The following SELENBP1 variants were observed in gnomAD, a reference collection of about 807,000 sequenced individuals.
SELENBP1 encodes methanethiol oxidase.
A neutral mutation model predicts 61.0 loss-of-function variants in SELENBP1; 71 were observed. The ratio of observed to expected loss-of-function variants is 1.16; its 90% CI spans 0.96 to 1.42. The LOEUF (loss-of-function observed/expected upper bound fraction) is 1.42, where lower values mean the gene tolerates loss of function less well. Among genes scored for constraint, SELENBP1 ranks in the 40% most tolerant of loss-of-function variants. The pLI, the probability that SELENBP1 is intolerant of heterozygous loss-of-function variation, is 0.00. For synonymous variants in SELENBP1, 270 were observed against 238.9 expected (o/e 1.13, Z -1.20); for missense variants, 561 against 605.0 (o/e 0.93, Z 0.76).
In SELENBP1 at chr1:151,364,419, C is replaced by T; in HGVS notation, c.*124G>A. The T allele has an allele frequency of 8.7e-7, 1 of 1,149,486 alleles. No homozygotes were observed. Among genetic ancestry groups the T allele is most frequent in the Non-Finnish European group, 1.3e-6 (1 of 780,388 alleles). The allele number at this position is 1,149,486 out of a possible 1,614,324, so 71.2% of individuals were successfully genotyped here. On this transcript the variant is annotated 3_prime_UTR_variant, in exon 12 of 12. Transcript: ENST00000368868. ...ATGTATATGACTCAACACATTGCCA[C>T]AGTCTCAGCTTGGCTGTGTGGTACA...
At position 151,365,813 on chromosome 1, in the gene SELENBP1, C is replaced by A; in HGVS notation, c.877G>T (p.Val293Leu). 1.2e-6 allele frequency: 2 copies of A among 1,614,158 alleles called. No homozygotes were observed. ...CAGCCCTTCACTTTCTTGGGGGGCA[C>A]CTGGATCACCTTCTCCACTGACCAT... is the stretch of plus-strand genomic sequence containing the variant. ...GTWSVEKVIQ[V>L]PPKKVKGWLL... Residue 293 changes from valine (V) to leucine (L), a missense_variant, in exon 8 of 12, where the codon GTG (valine) becomes TTG (leucine). Transcript: ENST00000368868.
intron 1 of SELENBP1, chr1:151,369,975 T>A (rs1282842746): frequency 6.8e-7 from 1 of 1,475,812 alleles, no homozygotes; most frequent in African/African-American, 1.4e-5. Context: ...TGGAGACACA[T>A]GACCTGAAGG....
At chr1:151,367,892 C>T (rs1651935656) in intron 5 of SELENBP1, among the ~76,000 whole-genome samples, 1 of 152,160 alleles carries the variant, frequency 6.6e-6, no homozygotes, top group African/African-American at 2.4e-5. Flanking sequence ...GTTTGGAACT[C>T]CTGAGCTCAA....
rs1212589914 is a variant in SELENBP1, at chr1:151,368,214, T to C, written c.466A>G (p.Lys156Glu). The change falls in exon 5 of 12, where the codon AAG (lysine) becomes GAG (glutamate). Residue 156 changes from lysine to glutamate, a missense_variant. Coordinates refer to ENST00000368868, the MANE Select transcript of SELENBP1 (RefSeq NM_003944.4). ...EVMISSLGDV[K>E]GNGKGGFVLL... ...TGGCAGGTACCTTTGCCATTGCCCTTGACGTCTCCCAGGGAGCTGATCATC... is the reference window on the plus strand; with the variant it reads ...TGGCAGGTACCTTTGCCATTGCCCTCGACGTCTCCCAGGGAGCTGATCATC... 1.9e-6 allele frequency: 3 copies of C among 1,614,024 alleles called. No homozygotes were observed. The highest frequency in any genetic ancestry group is 1.7e-6 in the Non-Finnish European group (2 of 1,180,014).
At chr1:151,366,252 G>T in intron 7 of SELENBP1, 23 bp downstream of exon 7, 1 of 1,603,082 alleles carries the variant, frequency 6.2e-7, no homozygotes, top group Non-Finnish European at 8.5e-7. Flanking sequence ...ACTGGGAGGG[G>T]AGGGCCAGAG....
chr1:151,369,375 G>C, intron 3 of SELENBP1, 67 bp downstream of exon 3: 1 of 1,492,744 alleles, frequency 6.7e-7, no homozygotes, highest in South Asian at 1.2e-5. Flanking sequence ...CTGGGAAGGG[G>C]GGGCCCAGGG....
intron 7 of SELENBP1, 70 bp from the exon 8 acceptor site, chr1:151,365,916 T>C: frequency 6.4e-7 from 1 of 1,556,334 alleles, no homozygotes; most frequent in Non-Finnish European, 8.8e-7. Flanking sequence ...GGACTAGGGG[T>C]TAGATCTGGG....
chr1:151,365,073 G>A (rs759476648), intron 10 of SELENBP1, 29 bp from the exon 11 acceptor site: 1 of 1,596,324 alleles, frequency 6.3e-7, no homozygotes, highest in African/African-American at 1.3e-5. Context: ...CAGAGCCCAG[G>A]GTAACACACA....
rs775662229 is a variant in SELENBP1 at position 151,372,630 on chromosome 1, C to T, written c.4+8G>A. The T allele has an allele frequency of 1.2e-6, 2 of 1,614,202 alleles. No individual in the cohort carries two copies. The highest frequency in any genetic ancestry group is 1.7e-6 in the Non-Finnish European group (2 of 1,180,030). On this transcript the variant is annotated splice_region_variant and intron_variant, in intron 1 of 11. Transcript: ENST00000368868. Reference sequence around the variant, plus strand: ...AGGCAATGGGTGATTGGAAACCCCTCTCCTTACCCATGCTGCCGACTGGTA... The same window carrying T: ...AGGCAATGGGTGATTGGAAACCCCTTTCCTTACCCATGCTGCCGACTGGTA...
intron 2 of SELENBP1, 55 bp from the exon 3 acceptor site, chr1:151,369,609 G>A: frequency 6.4e-7 from 1 of 1,556,918 alleles, no homozygotes; most frequent in Non-Finnish European, 8.7e-7. Flanking sequence ...AAAGGTAGGG[G>A]AAGTGCTGGG....
At chr1:151,365,977 G>T in intron 7 of SELENBP1, 131 bp from the exon 8 acceptor site, 1 of 978,790 alleles carries the variant, frequency 1.0e-6, no homozygotes, top group Non-Finnish European at 1.5e-6. Context: ...CTTGCCAGCA[G>T]GATCTAACTC....
In SELENBP1 at chr1:151,372,638, C is replaced by T; in HGVS notation, c.4G>A (p.Ala2Thr). ...GGTGATTGGAAACCCCTCTCCTTAC[C>T]CATGCTGCCGACTGGTACACTTTGA... M[A>T]TKCGNCGPGY... Residue 2 changes from alanine to threonine, a missense_variant and splice_region_variant, in exon 1 of 12, where the codon GCT (alanine) becomes ACT (threonine). Coordinates refer to ENST00000368868, the MANE Select transcript of SELENBP1 (RefSeq NM_003944.4). The T allele has an allele frequency of 6.2e-7, 1 of 1,614,194 alleles. No homozygotes were observed. Among genetic ancestry groups the T allele is most frequent in the South Asian group, 1.1e-5 (1 of 91,078 alleles).
Position 151,366,726 on chromosome 1 carries a change from C to G in SELENBP1, c.660G>C (p.Glu220Asp), listed in dbSNP as rs1374172524. The G allele has an allele frequency of 1.2e-6, 2 of 1,613,504 alleles. No individual in the cohort carries two copies. Among genetic ancestry groups the G allele is most frequent in the Admixed American group, 1.7e-5 (1 of 59,986 alleles). Residue 220 changes from glutamate to aspartate, a missense_variant, in exon 6 of 12, where the codon GAG becomes GAC. By Grantham distance (45) the Glu-to-Asp change is conservative. Coordinates refer to ENST00000368868, the MANE Select transcript of SELENBP1 (RefSeq NM_003944.4). ...GGCACATGGGGGGATTCTCACCAGC[C>G]TCCACATCAGCGGGGTTGAAGCCAT... Reference protein sequence around the residue: ...LRDGFNPADVEAGLYGSHLYV... With the variant: ...LRDGFNPADVDAGLYGSHLYV...
chr1:151,369,711 A>G lies in SELENBP1; in HGVS notation c.61+2T>C. 5 of 1,551,828 alleles carry G rather than the reference A, an allele frequency of 3.2e-6. No individual in the cohort carries two copies. Among genetic ancestry groups the G allele is most frequent in the Non-Finnish European group, 4.4e-6 (5 of 1,147,088 alleles). ...GCTGGCTCTCAGACCATGGGCAATT[A>G]CCTTTCATGGCCTCCAGAGGGGTGG... On this transcript the variant is annotated splice_donor_variant, in intron 2 of 11. Coordinates refer to ENST00000368868, the MANE Select transcript of SELENBP1 (RefSeq NM_003944.4). LOFTEE classifies it high-confidence loss of function.
chr1:151,368,914 T>TCTGCCAGCAGGAG, intron 4 of SELENBP1, 90 bp downstream of exon 4: 1 of 1,364,468 alleles, frequency 7.3e-7, no homozygotes, highest in African/African-American at 1.4e-5. Flanking sequence ...AGCTGGAGGC[T>TCTGCCAGCAGGAG]GCTGGTTTAG....
rs1042484517 is a variant in SELENBP1 at position 151,365,024 on chromosome 1, G to A, written c.1158C>T (p.Gly386=). Residue 386 remains glycine, a synonymous_variant, in exon 11 of 12, where the codon GGC becomes GGT. Coordinates refer to ENST00000368868, the MANE Select transcript of SELENBP1 (RefSeq NM_003944.4). Reference sequence around the variant, plus strand: ...CCAGGCTGAGCTGGATCATCTGAGGGCCTCCAGCCACCCGTTTTCCCTTGG... The same window carrying A: ...CCAGGCTGAGCTGGATCATCTGAGGACCTCCAGCCACCCGTTTTCCCTTGG... ...LVVKGKRVAG[G]PQMIQLSLDG... 19 of 1,609,782 alleles carry A rather than the reference G, an allele frequency of 1.2e-5. No individual in the cohort carries two copies. The highest frequency in any genetic ancestry group is 1.6e-5 in the Non-Finnish European group (19 of 1,178,378).
chr1:151,365,086 T>A, intron 10 of SELENBP1, 42 bp from the exon 11 acceptor site: 2 of 1,589,408 alleles, frequency 1.3e-6, no homozygotes, highest in Middle Eastern at 1.7e-4. Flanking sequence ...AACACACAGA[T>A]CCTAGGCACC....
At chr1:151,367,697 A>G (rs1445433493) in intron 5 of SELENBP1, among the ~76,000 whole-genome samples, 1 of 152,168 alleles carries the variant, frequency 6.6e-6, no homozygotes, top group Non-Finnish European at 1.5e-5. Flanking sequence ...ATCACAGCTC[A>G]TTGCAGCCTT....
At chr1:151,366,011 G>C in intron 7 of SELENBP1, 165 bp from the exon 8 acceptor site, 2 of 778,404 alleles carry the variant, frequency 2.6e-6, no homozygotes, top group Non-Finnish European at 4.1e-6. Context: ...TGAGGCAGGG[G>C]TTGTGTCTGC....
Sources: allele counts gnomAD v4.1 joint callset (sites outside exome capture counted in the v4.1 genomes callset), GRCh38; gene constraint gnomAD v4.1.1; transcripts MANE v1.5; gene names NCBI Gene and HGNC (gene_info 2026-07-23, HGNC 2026-07-21).